The following LSAMP variants were observed in gnomAD, a reference collection of about 807,000 sequenced individuals.
LSAMP encodes the protein limbic system associated membrane protein.
A neutral mutation model predicts 38.6 loss-of-function variants in LSAMP; 7 were observed. That is an observed-to-expected ratio of 0.18 (90% CI 0.10 to 0.34). LSAMP has a LOEUF of 0.34. LSAMP is among the 10% of genes least tolerant of loss of function. The pLI is 1.00. For synonymous variants in LSAMP, 154 were observed against 166.8 expected, an observed-to-expected ratio of 0.92 and a Z score of 0.59; for missense variants, 313 against 420.0, an observed-to-expected ratio of 0.75 and a Z score of 2.23.
intron 1 of LSAMP, among the ~76,000 whole-genome samples, chr3:116,124,939 G>A (rs918108052): frequency 2.0e-5 from 3 of 152,152 alleles, no homozygotes; most frequent in African/African-American, 7.2e-5. Flanking sequence ...CTGATTCTGG[G>A]TGGATAAATC....
intron 2 of LSAMP, among the ~76,000 whole-genome samples, chr3:116,056,243 G>C (rs1202086205): frequency 6.6e-6 from 1 of 152,026 alleles, no homozygotes; most frequent in African/African-American, 2.4e-5. Flanking sequence ...TAATGTTCTG[G>C]ATACTAACAC....
chr3:116,304,460 G>A (rs1576495360), intron 1 of LSAMP, among the ~76,000 whole-genome samples: 1 of 152,090 alleles, frequency 6.6e-6, no homozygotes, highest in African/African-American at 2.4e-5. Flanking sequence ...GTGGCTACGA[G>A]GAAACATGTG....
intron 1 of LSAMP, among the ~76,000 whole-genome samples, chr3:116,117,727 TCATGATTAGACTA>T (rs1241098910): frequency 6.6e-6 from 1 of 152,186 alleles, no homozygotes; most frequent in Non-Finnish European, 1.5e-5. Context: ...TAATTTTTTT[TCATGATTAGACTA>T]GGGCTATGTG....
intron 1 of LSAMP, among the ~76,000 whole-genome samples, chr3:116,329,678 G>A (rs6786130): frequency 0.33 from 49,496 of 151,768 alleles, 11,698 homozygotes; most frequent in African/African-American, 0.67. Flanking sequence ...ATTTCGGAGG[G>A]GGACTTTATG....
intron 1 of LSAMP, among the ~76,000 whole-genome samples, chr3:116,415,722 A>G (rs971507809): frequency 3.9e-5 from 6 of 152,102 alleles, no homozygotes; most frequent in Non-Finnish European, 7.4e-5. Context: ...AAACAATAAT[A>G]GTGTTTTACC....
chr3:115,837,447 G>A (rs1318070535), intron 6 of LSAMP, among the ~76,000 whole-genome samples: 1 of 119,436 alleles, frequency 8.4e-6, no homozygotes, highest in Non-Finnish European at 1.6e-5. Context: ...TAGACCAAAC[G>A]CTGACTACTA....
chr3:115,810,441 AAG>A (rs1237941910), intron 6 of LSAMP, 27 bp from the exon 7 acceptor site: 19 of 1,520,918 alleles, frequency 1.2e-5, no homozygotes, highest in Non-Finnish European at 1.7e-5. Context: ...GAGAGAGAAA[AAG>A]AGAATGAGTT....
chr3:115,858,149 C>A (rs1935565004), intron 3 of LSAMP, among the ~76,000 whole-genome samples: 1 of 151,478 alleles, frequency 6.6e-6, no homozygotes, highest in Non-Finnish European at 1.5e-5. Context: ...CTCTCTCTCT[C>A]TCTCTCTCTC....
intron 1 of LSAMP, among the ~76,000 whole-genome samples, chr3:116,272,098 A>C (rs772215483): frequency 9.9e-5 from 15 of 151,930 alleles, no homozygotes; most frequent in Non-Finnish European, 1.9e-4. Context: ...GGAAGCATTG[A>C]TCCACCTATA....
At chr3:115,842,090 A>C in intron 5 of LSAMP, 97 bp from the exon 6 acceptor site, 1 of 1,282,270 alleles carries the variant, frequency 7.8e-7, no homozygotes, top group African/African-American at 1.5e-5. Context: ...AAAGGAGAGA[A>C]AGGAAGTAGC....
chr3:115,976,542 T>C (rs2107619623), intron 3 of LSAMP, among the ~76,000 whole-genome samples: 1 of 152,268 alleles, frequency 6.6e-6, no homozygotes, highest in African/African-American at 2.4e-5. Context: ...AAAGATGATC[T>C]CCAGGAGACA....
chr3:116,039,040 T>C (rs1941109137), intron 2 of LSAMP, among the ~76,000 whole-genome samples: 1 of 152,204 alleles, frequency 6.6e-6, no homozygotes, highest in African/African-American at 2.4e-5. Context: ...GTGTTTGCAA[T>C]AGCCTATATT....
chr3:116,316,040 G>A (rs1004445487), intron 1 of LSAMP, among the ~76,000 whole-genome samples: 4 of 152,230 alleles, frequency 2.6e-5, no homozygotes, highest in Non-Finnish European at 4.4e-5. Flanking sequence ...AAGGTCAAGT[G>A]TGATATTTTG....
rs958921853 is a variant in LSAMP, at chr3:116,071,718, C to T, written c.388+14606G>A. Among the ~76,000 whole-genome samples, 4 of 152,146 alleles carry T rather than the reference C, an allele frequency of 2.6e-5. No individual in the cohort carries two copies. The East Asian group carries it at 7.7e-4, about 29-fold the overall frequency. ...ATCACCAAGGTATTAAGCTCAGCAT[C>T]CATTAGCTATTCTTTCTGATGCTCT... On this transcript the variant is annotated intron_variant, in intron 2 of 6. Coordinates refer to ENST00000490035, the MANE Select transcript of LSAMP (RefSeq NM_002338.5).
intron 1 of LSAMP, among the ~76,000 whole-genome samples, chr3:116,207,895 C>T (rs1282787718): frequency 8.6e-5 from 13 of 151,150 alleles, no homozygotes; most frequent in South Asian, 2.1e-4. Flanking sequence ...TTGCTCTTCT[C>T]GAGGAGTATC....
At chr3:116,051,500 G>C (rs1941396188) in intron 2 of LSAMP, among the ~76,000 whole-genome samples, 1 of 152,100 alleles carries the variant, frequency 6.6e-6, no homozygotes, top group South Asian at 2.1e-4. Context: ...TATTATTGTT[G>C]TTGTTGTTTG....
intron 1 of LSAMP, among the ~76,000 whole-genome samples, chr3:116,245,839 A>G (rs1219243165): frequency 6.6e-6 from 1 of 152,182 alleles, no homozygotes. Flanking sequence ...AATGGGATGT[A>G]CTTCAGAAAT....
chr3:115,839,313 C>A (rs925965484), intron 6 of LSAMP, among the ~76,000 whole-genome samples: 1 of 125,946 alleles, frequency 7.9e-6, no homozygotes, highest in Non-Finnish European at 1.7e-5. Flanking sequence ...TTCCTTCCTT[C>A]CTTCCTTTTT....
chr3:116,140,616 G>A (rs1165901667), intron 1 of LSAMP, among the ~76,000 whole-genome samples: 5 of 151,844 alleles, frequency 3.3e-5, no homozygotes. Context: ...TTAAAAAGGT[G>A]GGAAATATAA....
Sources: allele counts gnomAD v4.1 joint callset (sites outside exome capture counted in the v4.1 genomes callset), GRCh38; gene constraint gnomAD v4.1.1; transcripts MANE v1.5; gene names NCBI Gene and HGNC (gene_info 2026-07-23, HGNC 2026-07-21).